The following TMC5 variants were observed in gnomAD, a reference collection of about 807,000 sequenced individuals.
TMC5 encodes the protein transmembrane channel-like protein 5.
In TMC5, 86 loss-of-function variants were observed where a neutral mutation model predicts 110.5. The observed-to-expected ratio is 0.78, with a 90% CI of 0.65 to 0.93. The LOEUF is 0.93. Ranked by LOEUF, TMC5 falls within the 40% of genes least tolerant of loss-of-function variation. The pLI, the probability that TMC5 is intolerant of heterozygous loss-of-function variation, is 0.00. For synonymous variants in TMC5, 455 were observed against 439.5 expected, an observed-to-expected ratio of 1.04 and a Z score of -0.44; for missense variants, 1,144 against 1,222.8, an observed-to-expected ratio of 0.94 and a Z score of 0.96.
chr16:19,479,730 C>A (rs887559670), intron 14 of TMC5, among the ~76,000 whole-genome samples: 1 of 152,104 alleles, frequency 6.6e-6, no homozygotes, highest in Non-Finnish European at 1.5e-5. Context: ...ATAGTTCACT[C>A]GGTTCAGTTG....
At chr16:19,492,943 A>ATATATATATATATATATATAT (rs61334845) in intron 19 of TMC5, among the ~76,000 whole-genome samples, 1,459 of 91,212 alleles carry the variant, frequency 0.016, 292 homozygotes, top group Non-Finnish European at 0.023. Flanking sequence ...TCTCTCTATA[A>ATATATATATATATATATATAT]GATAAATACT....
At chr16:19,418,630 T>C (rs192797495) in intron 1 of TMC5, among the ~76,000 whole-genome samples, 1 of 152,254 alleles carries the variant, frequency 6.6e-6, no homozygotes, top group East Asian at 1.9e-4. Flanking sequence ...TACTTCTTTA[T>C]GGTGTTCAAG....
chr16:19,463,152 C>A, intron 6 of TMC5, 128 bp from the exon 7 acceptor site: 1 of 705,530 alleles, frequency 1.4e-6, no homozygotes, highest in Non-Finnish European at 2.5e-6. Flanking sequence ...GAACTCCTGG[C>A]CTCAGTGATC....
intron 17 of TMC5, among the ~76,000 whole-genome samples, chr16:19,489,153 T>C (rs1217256349): frequency 6.6e-6 from 1 of 152,150 alleles, no homozygotes; most frequent in Admixed American, 6.6e-5. Context: ...GCTAACAGGC[T>C]TCCCTCTTTA....
At position 19,479,415 on chromosome 16, in the gene TMC5, CTT is replaced by C. The variant is rs1968562468; in HGVS notation, c.2170-15_2170-14del. On this transcript the variant is annotated splice_polypyrimidine_tract_variant and intron_variant, in intron 13 of 21. Transcript: ENST00000542583. ...CACAGCCCCTTCCCACATCCTGACT[CTT>C]GTTTGCCTTCCAGTGTTGGGAAACC... The C allele has an allele frequency of 4.4e-6, 7 of 1,601,352 alleles. No individual in the cohort carries two copies. Among genetic ancestry groups the C allele is most frequent in the Non-Finnish European group, 4.3e-6 (5 of 1,168,510 alleles).
intron 5 of TMC5, among the ~76,000 whole-genome samples, chr16:19,450,715 G>A (rs1050132764): frequency 1.3e-5 from 2 of 152,196 alleles, no homozygotes; most frequent in African/African-American, 4.8e-5. Context: ...TGGAGCACAT[G>A]CCTACACTTG....
intron 1 of TMC5, among the ~76,000 whole-genome samples, chr16:19,429,644 C>T (rs1334655846): frequency 2.0e-5 from 3 of 152,198 alleles, no homozygotes; most frequent in Admixed American, 1.3e-4. Flanking sequence ...AGATCAGGTG[C>T]CTGCAAAAAG....
At chr16:19,486,704 G>A (rs1465753927) in intron 15 of TMC5, among the ~76,000 whole-genome samples, 5 of 151,970 alleles carry the variant, frequency 3.3e-5, no homozygotes, top group Admixed American at 2.0e-4. Context: ...TAGGGACACC[G>A]GTTGTACTGG....
intron 15 of TMC5, among the ~76,000 whole-genome samples, chr16:19,486,156 A>G (rs1170500698): frequency 1.3e-5 from 2 of 152,176 alleles, no homozygotes; most frequent in African/African-American, 4.8e-5. Context: ...TGGGGCTGCC[A>G]TAACAAAGTC....
chr16:19,462,431 C>T (rs2143578351), intron 6 of TMC5: 1 of 685,676 alleles, frequency 1.5e-6, no homozygotes, highest in Non-Finnish European at 2.6e-6. Context: ...TCTCACTCTG[C>T]TAATAAAGAC....
intron 4 of TMC5, among the ~76,000 whole-genome samples, chr16:19,448,104 C>T (rs538227955): frequency 2.7e-4 from 39 of 145,634 alleles, no homozygotes; most frequent in African/African-American, 7.4e-4. Context: ...TGCAGTGAGC[C>T]GAGATTGCGT....
chr16:19,467,143 A>G (rs1224038141), intron 9 of TMC5, among the ~76,000 whole-genome samples: 1 of 148,964 alleles, frequency 6.7e-6, no homozygotes, highest in Non-Finnish European at 1.5e-5. Context: ...ATCCTGTTTC[A>G]AAAAAAAAAG....
chr16:19,472,691 G>A (rs1296314504), intron 11 of TMC5, among the ~76,000 whole-genome samples: 1 of 152,092 alleles, frequency 6.6e-6, no homozygotes, highest in Non-Finnish European at 1.5e-5. Context: ...TGAGTCATGT[G>A]ATCATCTCTC....
intron 1 of TMC5, among the ~76,000 whole-genome samples, chr16:19,418,468 G>A (rs1386699834): frequency 6.6e-6 from 1 of 152,060 alleles, no homozygotes; most frequent in Non-Finnish European, 1.5e-5. Flanking sequence ...AATAAAATAC[G>A]GTGCACGACA....
chr16:19,460,867 C>T (rs754722587), intron 6 of TMC5, among the ~76,000 whole-genome samples: 56 of 152,104 alleles, frequency 3.7e-4, no homozygotes, highest in Non-Finnish European at 7.2e-4. Flanking sequence ...TCTACAGAGA[C>T]GTGACAGGCT....
At chr16:19,485,891 C>T (rs187868458) in intron 15 of TMC5, among the ~76,000 whole-genome samples, 1 of 152,312 alleles carries the variant, frequency 6.6e-6, no homozygotes, top group African/African-American at 2.4e-5. Context: ...GAACTCAGTG[C>T]TATTCAGTGC....
At chr16:19,460,172 C>T (rs1284591261) in intron 5 of TMC5, 63 bp from the exon 6 acceptor site, 1 of 1,307,480 alleles carries the variant, frequency 7.6e-7, no homozygotes, top group Non-Finnish European at 1.1e-6. Context: ...TTCAGCACCA[C>T]ATTTCAGTGT....
At chr16:19,446,258 T>C (rs112954512) in intron 4 of TMC5, among the ~76,000 whole-genome samples, 62 of 152,314 alleles carry the variant, frequency 4.1e-4, no homozygotes, top group African/African-American at 1.5e-3. Flanking sequence ...AAGGGGGGAA[T>C]ATCTGCTCTT....
At chr16:19,412,243 T>A (rs1413378893) in intron 1 of TMC5, among the ~76,000 whole-genome samples, 2 of 151,830 alleles carry the variant, frequency 1.3e-5, no homozygotes, top group African/African-American at 2.4e-5. Flanking sequence ...GCTAATTTTT[T>A]AAATTTTTGT....
Sources: allele counts gnomAD v4.1 joint callset (sites outside exome capture counted in the v4.1 genomes callset), GRCh38; gene constraint gnomAD v4.1.1; transcripts MANE v1.5; gene names NCBI Gene and HGNC (gene_info 2026-07-23, HGNC 2026-07-21).